The following PRKDC variants were observed in gnomAD, a reference collection of about 807,000 sequenced individuals.
The protein encoded by PRKDC is DNA-dependent protein kinase catalytic subunit.
In PRKDC, 82 loss-of-function variants were observed where a neutral mutation model predicts 486.9. The ratio of observed to expected loss-of-function variants is 0.17; its 90% CI spans 0.14 to 0.20. PRKDC has a LOEUF of 0.20. PRKDC is among the 10% of genes least tolerant of loss of function. The probability of loss-of-function intolerance (pLI) is 1.00; values close to 1 mark genes in which losing one functional copy is unlikely to be tolerated. For missense variants in PRKDC, 4,504 were observed against 5,038.2 expected (o/e 0.89, Z 3.21); for synonymous variants, 1,895 against 1,837.0 (o/e 1.03, Z -0.81).
chr8:47,782,414 T>G lies in PRKDC; in HGVS notation c.11360A>C (p.Gln3787Pro). The G allele has an allele frequency of 6.2e-7, 1 of 1,603,230 alleles. No homozygotes were observed. The highest frequency in any genetic ancestry group is 8.5e-7 in the Non-Finnish European group (1 of 1,175,572). Reference protein sequence around the residue: ...QDSACSQRALQLRTYSVVPMT... With the variant: ...QDSACSQRALPLRTYSVVPMT... ...GGGCACAACGCTATAGGTCCTCAGC[T>G]GCAGGGCCCTCTGGCTGCAGGCGGA... Residue 3787 changes from glutamine (Q) to proline (P), a missense_variant, in exon 79 of 86, where the codon CAG (glutamine) becomes CCG (proline). By Grantham distance (76) the Gln-to-Pro change is moderately conservative. Around this residue, in one of 6 missense-constraint regions of PRKDC, gnomAD observed 706 missense variants for 945.0 expected, o/e 0.75. Transcript: ENST00000314191. This position sits in a 1 kb window ranked among gnomAD's most constrained non-coding sequence, Gnocchi z 4.9.
At chr8:47,816,778 C>T (rs909149039) in intron 68 of PRKDC, among the ~76,000 whole-genome samples, 1 of 151,572 alleles carries the variant, frequency 6.6e-6, no homozygotes, top group Non-Finnish European at 1.5e-5. Context: ...TACTACTTTT[C>T]TTGCAACTTT....
At chr8:47,851,136 T>C (rs569360024) in intron 52 of PRKDC, among the ~76,000 whole-genome samples, 17 of 152,364 alleles carry the variant, frequency 1.1e-4, no homozygotes, top group Non-Finnish European at 2.2e-4. Context: ...ATGTTTACTC[T>C]GCTTTCCAAA....
chr8:47,893,358 C>T lies in PRKDC; in HGVS notation c.3628G>A (p.Asp1210Asn). Residue 1210 changes from aspartate (D) to asparagine (N), a missense_variant, in exon 31 of 86, where the codon GAT becomes AAT. Coordinates refer to ENST00000314191, the MANE Select transcript of PRKDC (RefSeq NM_006904.7). ...GNRSPNLWLK[D>N]VLKEEGVSFL... is the part of the protein sequence containing the mutation. Reference sequence around the variant, plus strand: ...GAGACACCTTCTTCCTTGAGAACATCTTTCAGCCACAAATTAGGGGATCTG... The same window carrying T: ...GAGACACCTTCTTCCTTGAGAACATTTTTCAGCCACAAATTAGGGGATCTG... 1 of 1,545,576 alleles carries T rather than the reference C, an allele frequency of 6.5e-7. No homozygotes were observed. The highest frequency in any genetic ancestry group is 8.8e-7 in the Non-Finnish European group (1 of 1,138,398).
At chr8:47,807,475 G>C (rs1386246484) in intron 68 of PRKDC, 149 bp from the exon 69 acceptor site, 7 of 619,948 alleles carry the variant, frequency 1.1e-5, no homozygotes, top group African/African-American at 3.8e-5. Context: ...CTGGAGTGCA[G>C]TGGCACCATC....
intron 39 of PRKDC, 146 bp from the exon 40 acceptor site, chr8:47,877,997 A>G: frequency 1.8e-6 from 1 of 556,366 alleles, no homozygotes; most frequent in Non-Finnish European, 2.6e-6. Context: ...TCACAGACTT[A>G]ACAAATACCA....
rs1445343352 is a variant in PRKDC, at chr8:47,855,465, A to G, written c.6610-92T>C. On this transcript the variant is annotated intron_variant, in intron 49 of 85. Coordinates refer to ENST00000314191, the MANE Select transcript of PRKDC (RefSeq NM_006904.7). ...AGTTCATTTATAAAAGAAATCTGGCATTTTACAGGAGTCCGGCTCCTGTTG... is the reference window on the plus strand; with the variant it reads ...AGTTCATTTATAAAAGAAATCTGGCGTTTTACAGGAGTCCGGCTCCTGTTG... The G allele has an allele frequency of 2.3e-6, 3 of 1,313,970 alleles. No individual in the cohort carries two copies. In the Admixed American group the frequency reaches 8.2e-5, roughly 36 times the overall value. 81.4% of individuals were successfully genotyped at this position (1,313,970 alleles called of 1,614,324 possible).
At chr8:47,886,189 T>C in intron 35 of PRKDC, 42 bp from the exon 36 acceptor site, 1 of 1,484,072 alleles carries the variant, frequency 6.7e-7, no homozygotes, top group East Asian at 2.3e-5. Flanking sequence ...GGGGCACATC[T>C]TTGCATGGCA....
intron 85 of PRKDC, among the ~76,000 whole-genome samples, chr8:47,775,204 TA>T (rs1563727289): frequency 5.1e-4 from 77 of 150,962 alleles, no homozygotes; most frequent in African/African-American, 1.8e-3. Context: ...AATAAATAAA[TA>T]AATAAATAAA....
intron 49 of PRKDC, 105 bp downstream of exon 49, chr8:47,857,051 A>C: frequency 8.1e-7 from 1 of 1,239,336 alleles, no homozygotes. Flanking sequence ...CAAATGCTGA[A>C]AACCATAGCA....
At position 47,893,307 on chromosome 8, in the gene PRKDC, C is replaced by A; in HGVS notation, c.3679G>T (p.Gly1227Cys). 6.2e-7 allele frequency: 1 copy of A among 1,607,570 alleles called. No homozygotes were observed. Among genetic ancestry groups the A allele is most frequent in the South Asian group, 1.1e-5 (1 of 90,264 alleles). Reference protein sequence around the residue: ...VSFLINTFEGGGCGQPSGILA... With the variant: ...VSFLINTFEGCGCGQPSGILA... ...ATGCCCGAGGGCTGGCCACAGCCAC[C>A]CCCCTCAAAGGTGTTGATGAGAAAA... The change falls in exon 31 of 86, where the codon GGT (glycine) becomes TGT (cysteine). Residue 1227 changes from glycine to cysteine, a missense_variant. Gly to Cys is a radical substitution (Grantham distance 159). Transcript: ENST00000314191.
rs547797905 is a variant in PRKDC at position 47,922,240 on chromosome 8, C to T, written c.2420-3857G>A. On this transcript the variant is annotated intron_variant, in intron 21 of 85. Transcript: ENST00000314191. ...CTTGACCTCCCAGGCTTGAGCAATC[C>T]TCCCACCTCAGCCTCCCAAGTAGCT... 2.6e-5 allele frequency among the ~76,000 whole-genome samples: 4 copies of T among 152,092 alleles called. No homozygotes were observed. In the South Asian group the frequency reaches 6.2e-4, roughly 24 times the overall value.
chr8:47,865,246 C>G (rs534926333), intron 40 of PRKDC, among the ~76,000 whole-genome samples: 1 of 152,024 alleles, frequency 6.6e-6, no homozygotes, highest in Non-Finnish European at 1.5e-5. Flanking sequence ...ATTAGCTGGG[C>G]GTGGTGGTGT....
chr8:47,892,369 C>T (rs1005477558), intron 31 of PRKDC, among the ~76,000 whole-genome samples: 3 of 152,138 alleles, frequency 2.0e-5, no homozygotes, highest in African/African-American at 2.4e-5. Flanking sequence ...CTCACTCTAT[C>T]GCCCAGGCTA....
chr8:47,918,324 T>A lies in PRKDC; in HGVS notation c.2479A>T (p.Asn827Tyr). ...ALSRAAQKGFNKVVLKHLKKT... is the reference protein window; with the variant it reads ...ALSRAAQKGFYKVVLKHLKKT... The stretch of plus-strand genomic sequence containing the variant: ...TTCAGATGCTTTAACACCACTTTAT[T>A]AAATCCTTTCTGGGCAGCCCGAGAA... Residue 827 changes from asparagine (N) to tyrosine (Y), a missense_variant, in exon 22 of 86, where the codon AAT (asparagine) becomes TAT (tyrosine). Physicochemically the swap from Asn to Tyr is moderately radical, Grantham distance 143. Transcript: ENST00000314191. The A allele has an allele frequency of 6.3e-7, 1 of 1,597,264 alleles. No individual in the cohort carries two copies.
intron 61 of PRKDC, 36 bp from the exon 62 acceptor site, chr8:47,828,383 T>C (rs745382353): frequency 1.1e-5 from 16 of 1,509,536 alleles, no homozygotes; most frequent in Non-Finnish European, 1.3e-5. Flanking sequence ...AATTAGGATC[T>C]GAAGCAAAAA....
chr8:47,844,014 CACG>C (rs1448797955), intron 54 of PRKDC, among the ~76,000 whole-genome samples: 5 of 152,208 alleles, frequency 3.3e-5, no homozygotes, highest in Admixed American at 2.6e-4. Context: ...CAGGTAACAA[CACG>C]ACAACAGGAT....
chr8:47,881,286 T>A, intron 38 of PRKDC, 130 bp downstream of exon 38: 1 of 620,766 alleles, frequency 1.6e-6, no homozygotes, highest in South Asian at 2.1e-5. Context: ...TACGGGGGAT[T>A]ACTGTGCTAG....
intron 60 of PRKDC, among the ~76,000 whole-genome samples, chr8:47,831,284 T>A (rs2087866043): frequency 6.6e-6 from 1 of 152,216 alleles, no homozygotes; most frequent in Admixed American, 6.5e-5. Flanking sequence ...ATGGAGCCGC[T>A]CCTGTGGCGG....
chr8:47,775,109 C>T (rs1430361286), intron 85 of PRKDC, among the ~76,000 whole-genome samples: 1 of 151,868 alleles, frequency 6.6e-6, no homozygotes, highest in Non-Finnish European at 1.5e-5. Context: ...ATCGCTTGAA[C>T]CCAGGAGGTG....
Sources: gnomAD v4.1 joint callset for allele counts (sites outside exome capture counted in the v4.1 genomes callset) on GRCh38, gnomAD v4.1.1 for gene constraint, gnomAD v4.1.1 regional missense constraint, Gnocchi (gnomAD v3.1) non-coding constraint, MANE v1.5 for transcripts, NCBI Gene and HGNC (gene_info 2026-07-23, HGNC 2026-07-21) for gene names.